PCDH15: variants seen among roughly 807,000 people sequenced by gnomAD.
PCDH15 encodes the protein protocadherin related 15.
PCDH15 carries 129 observed loss-of-function variants against 178.5 expected under a neutral mutation model. The observed-to-expected ratio is 0.72, with a 90% CI of 0.63 to 0.84. PCDH15 has a LOEUF of 0.84. PCDH15 is among the 40% of genes least tolerant of loss of function. The pLI is 0.00. For synonymous variants in PCDH15, 800 were observed against 732.0 expected, an observed-to-expected ratio of 1.09 and a Z score of -1.50; for missense variants, 2,230 against 2,099.9, an observed-to-expected ratio of 1.06 and a Z score of -1.21.
intron 2 of PCDH15, among the ~76,000 whole-genome samples, chr10:54,932,037 G>A (rs1837791233): frequency 6.6e-6 from 1 of 152,156 alleles, no homozygotes; most frequent in South Asian, 2.1e-4. Flanking sequence ...ATATGCTACA[G>A]TGATTCCATA....
intron 1 of PCDH15, among the ~76,000 whole-genome samples, chr10:54,777,320 T>G (rs1161617764): frequency 1.3e-5 from 2 of 152,120 alleles, no homozygotes; most frequent in African/African-American, 4.8e-5. Flanking sequence ...CCATAGTGGT[T>G]CTCTTGAGAT....
At chr10:54,797,772 T>G (rs1380536256) in intron 1 of PCDH15, among the ~76,000 whole-genome samples, 4 of 151,960 alleles carry the variant, frequency 2.6e-5, no homozygotes, top group Non-Finnish European at 5.9e-5. Flanking sequence ...GCTCCTTATA[T>G]TAATAAATAG....
At chr10:54,998,350 G>T (rs921779724) in intron 2 of PCDH15, among the ~76,000 whole-genome samples, 4 of 151,494 alleles carry the variant, frequency 2.6e-5, no homozygotes, top group African/African-American at 9.7e-5. Flanking sequence ...TAACTAACCT[G>T]CACATTGTGC....
intron 2 of PCDH15, among the ~76,000 whole-genome samples, chr10:55,460,478 C>T (rs1572231): frequency 0.77 from 116,267 of 151,904 alleles, 45,856 homozygotes; most frequent in East Asian, 0.99. Context: ...TTAATCTTTT[C>T]TTTGTCTACA....
intron 3 of PCDH15, among the ~76,000 whole-genome samples, chr10:54,854,229 C>T (rs115887597): frequency 1.4e-3 from 209 of 152,246 alleles, no homozygotes; most frequent in African/African-American, 4.7e-3. Flanking sequence ...CTCCTGGAAG[C>T]TTAGAGATGC....
intron 2 of PCDH15, among the ~76,000 whole-genome samples, chr10:55,045,336 T>C (rs1264979410): frequency 2.0e-5 from 3 of 152,062 alleles, no homozygotes; most frequent in African/African-American, 7.2e-5. Flanking sequence ...TAGGTCTGTG[T>C]CAGATGTTGT....
intron 1 of PCDH15, among the ~76,000 whole-genome samples, chr10:55,311,309 C>T (rs1843580776): frequency 6.6e-6 from 1 of 152,164 alleles, no homozygotes; most frequent in Non-Finnish European, 1.5e-5. Flanking sequence ...GTGAGCTATT[C>T]AGTCTCTATC....
At chr10:55,415,176 G>T (rs1187844496) in intron 2 of PCDH15, among the ~76,000 whole-genome samples, 1 of 151,368 alleles carries the variant, frequency 6.6e-6, no homozygotes, top group Non-Finnish European at 1.5e-5. Flanking sequence ...TGATTATGTA[G>T]TTTTTTCATT....
intron 28 of PCDH15, among the ~76,000 whole-genome samples, chr10:53,841,134 T>C (rs2077615402): frequency 6.6e-6 from 1 of 152,188 alleles, no homozygotes; most frequent in African/African-American, 2.4e-5. Flanking sequence ...GCAGAGACAA[T>C]ATTAATCAAT....
intron 2 of PCDH15, among the ~76,000 whole-genome samples, chr10:54,588,815 T>C (rs1236150924): frequency 1.3e-5 from 2 of 152,104 alleles, no homozygotes; most frequent in African/African-American, 4.8e-5. Context: ...CTCAAGCGAT[T>C]CTCCCACCTC....
chr10:55,308,286 G>A (rs1843483464), intron 1 of PCDH15, among the ~76,000 whole-genome samples: 2 of 152,118 alleles, frequency 1.3e-5, no homozygotes, highest in South Asian at 2.1e-4. Flanking sequence ...ACCAGACAGG[G>A]CACACAAGTG....
At chr10:55,119,705 A>G (rs1476957569) in intron 2 of PCDH15, among the ~76,000 whole-genome samples, 1 of 152,176 alleles carries the variant, frequency 6.6e-6, no homozygotes, top group East Asian at 1.9e-4. Context: ...GTATTGCCCA[A>G]ATGGCCTGTA....
intron 2 of PCDH15, among the ~76,000 whole-genome samples, chr10:55,582,883 TAG>T (rs1490159676): frequency 5.3e-5 from 8 of 151,900 alleles, no homozygotes; most frequent in Non-Finnish European, 1.0e-4. Context: ...ATGCAGATGT[TAG>T]ATTTTGATAG....
At chr10:53,823,494 G>T in intron 32 of PCDH15, 1 of 868,174 alleles carries the variant, frequency 1.2e-6, no homozygotes, top group Non-Finnish European at 2.0e-6. Flanking sequence ...ACCTACTAAA[G>T]CAAGACATTA....
At chr10:55,253,569 C>T (rs1191268533) in intron 1 of PCDH15, among the ~76,000 whole-genome samples, 4 of 151,868 alleles carry the variant, frequency 2.6e-5, no homozygotes, top group African/African-American at 9.7e-5. Context: ...AATGGGATAG[C>T]AATGTGCCAT....
At position 53,821,767 on chromosome 10, in the gene PCDH15, AAT is replaced by A. The variant is rs1378618639; in HGVS notation, c.4368-1539_4368-1538del. On this transcript the variant is annotated intron_variant, in intron 32 of 37. Transcript: ENST00000644397. ...CATTTCATTGAATTTGGGGTAAAAT[AAT>A]AGAGTCTTCTTTGACGTTCAAATTT... 2.0e-5 allele frequency: 31 copies of A among 1,578,962 alleles called. No homozygotes were observed. In the African/African-American group the frequency reaches 2.6e-4, roughly 13 times the overall value.
intron 8 of PCDH15, among the ~76,000 whole-genome samples, chr10:54,263,606 T>G (rs7080800): frequency 0.68 from 103,953 of 151,992 alleles, 36,553 homozygotes; most frequent in Middle Eastern, 0.76. Context: ...GCAACATCTA[T>G]GAAAGCCACT....
intron 21 of PCDH15, among the ~76,000 whole-genome samples, chr10:53,975,075 T>A (rs758136560): frequency 1.3e-5 from 2 of 152,206 alleles, no homozygotes; most frequent in Non-Finnish European, 2.9e-5. Context: ...GGTATAATTG[T>A]TTCCAGCTGC....
intron 3 of PCDH15, among the ~76,000 whole-genome samples, chr10:54,871,744 T>C (rs1448639632): frequency 1.3e-5 from 2 of 152,054 alleles, no homozygotes; most frequent in Non-Finnish European, 2.9e-5. Flanking sequence ...GTTCATAATT[T>C]TTACTAAATA....
Sources: allele counts gnomAD v4.1 joint callset (sites outside exome capture counted in the v4.1 genomes callset), GRCh38; gene constraint gnomAD v4.1.1; transcripts MANE v1.5; gene names NCBI Gene and HGNC (gene_info 2026-07-23, HGNC 2026-07-21).